NCOA7: variants seen among roughly 807,000 people sequenced by gnomAD.
NCOA7 encodes nuclear receptor coactivator 7.
A neutral mutation model predicts 104.3 loss-of-function variants in NCOA7; 45 were observed. The ratio of observed to expected loss-of-function variants is 0.43; its 90% CI spans 0.34 to 0.55. NCOA7 has a LOEUF of 0.55. Ranked by LOEUF, NCOA7 falls within the 20% of genes least tolerant of loss-of-function variation. The pLI is 0.02. For missense variants in NCOA7, 1,041 were observed against 1,119.7 expected (o/e 0.93, Z 1.00); for synonymous variants, 398 against 402.3 (o/e 0.99, Z 0.13).
upstream of NCOA7, among the ~76,000 whole-genome samples, chr6:125,788,554 T>C (rs954465451): frequency 6.6e-6 from 1 of 151,660 alleles, no homozygotes; most frequent in Non-Finnish European, 1.5e-5. Context: ...TTTTTTTTTT[T>C]GAGATGGAGT....
intron 3 of NCOA7, among the ~76,000 whole-genome samples, chr6:125,858,700 G>T (rs796521302): frequency 3.9e-5 from 6 of 152,116 alleles, no homozygotes; most frequent in African/African-American, 1.4e-4. Context: ...CAACCGGTTT[G>T]GAGGTTTGAG....
chr6:125,907,775 T>C (rs1188000202), intron 10 of NCOA7, among the ~76,000 whole-genome samples: 2 of 152,140 alleles, frequency 1.3e-5, no homozygotes, highest in African/African-American at 4.8e-5. Context: ...AACTTTAAAT[T>C]TGGCACAGTA....
At chr6:125,911,145 T>C (rs928200785) in intron 10 of NCOA7, among the ~76,000 whole-genome samples, 4 of 152,198 alleles carry the variant, frequency 2.6e-5, no homozygotes, top group African/African-American at 7.2e-5. Flanking sequence ...GTGGTGAGAA[T>C]GTGGAGGTCA....
rs967258800 is a variant in NCOA7, at chr6:125,848,769, G to A, written c.51-6251G>A. ...CTTATGTAACAAACCTGCATGTTGT[G>A]CACAAGTACCCTAGGACTTAAAGTA... On this transcript the variant is annotated intron_variant, in intron 2 of 15. Coordinates refer to ENST00000392477, the MANE Select transcript of NCOA7 (RefSeq NM_181782.5). 2.6e-5 allele frequency among the ~76,000 whole-genome samples: 4 copies of A among 152,212 alleles called. No individual in the cohort carries two copies. The South Asian group carries it at 8.3e-4, about 32-fold the overall frequency.
intron 1 of NCOA7, among the ~76,000 whole-genome samples, chr6:125,804,144 C>T (rs1776187616): frequency 6.6e-6 from 1 of 152,144 alleles, no homozygotes; most frequent in Non-Finnish European, 1.5e-5. Context: ...AGCTTATTTT[C>T]TTTGGACCGG....
intron 2 of NCOA7, among the ~76,000 whole-genome samples, chr6:125,830,747 G>A (rs1562854810): frequency 6.7e-6 from 1 of 148,410 alleles, no homozygotes; most frequent in South Asian, 2.1e-4. Flanking sequence ...ATGTGTGTGT[G>A]TGTGTGTGTG....
At position 125,928,065 on chromosome 6, in the gene NCOA7, C is replaced by T; in HGVS notation, c.2620-109C>T. 6.7e-6 allele frequency: 7 copies of T among 1,041,358 alleles called. No homozygotes were observed. The South Asian group carries it at 9.6e-5, about 14-fold the overall frequency. 64.5% of individuals were successfully genotyped at this position (1,041,358 alleles called of 1,614,324 possible). A position where few individuals can be genotyped will look rare whatever the true frequency, so the allele number is the denominator to read the frequency against. On this transcript the variant is annotated intron_variant, in intron 14 of 15. Transcript: ENST00000392477. ...TCTGGCAGTCAGGAACTTCCTCCGT[C>T]AATGGGGTGAGGTGGTTCCCTTTTA...
intron 1 of NCOA7, among the ~76,000 whole-genome samples, chr6:125,784,455 G>A (rs1210638065): frequency 6.6e-6 from 1 of 152,196 alleles, no homozygotes; most frequent in Admixed American, 6.5e-5. Context: ...AAATGGTATA[G>A]CCACTCTAGA....
Position 125,882,427 on chromosome 6 carries a change from A to T in NCOA7, c.575A>T (p.Asp192Val). ...TTTGAAATTTTTTGCTTTCACAAGG[A>T]TGCTGACTTAGCACGAAAGGCCTTG... Reference protein sequence around the residue: ...SSDAEYDKLPDADLARKALKP... With the variant: ...SSDAEYDKLPVADLARKALKP... The change falls in exon 7 of 16, where the codon GAT (aspartate) becomes GTT (valine). Residue 192 changes from aspartate (D) to valine (V), a missense_variant and splice_region_variant. Asp to Val is a radical substitution (Grantham distance 152). Around this residue, in one of 2 missense-constraint regions of NCOA7, gnomAD observed 914 missense variants for 942.7 expected, o/e 0.97. Transcript: ENST00000392477. The T allele has an allele frequency of 1.2e-6, 2 of 1,612,258 alleles. No homozygotes were observed. Among genetic ancestry groups the T allele is most frequent in the African/African-American group, 1.3e-5 (1 of 74,942 alleles).
At chr6:125,863,550 C>T (rs1257828019) in intron 3 of NCOA7, among the ~76,000 whole-genome samples, 1 of 138,080 alleles carries the variant, frequency 7.2e-6, no homozygotes, top group African/African-American at 3.0e-5. Context: ...AAACTAAGTA[C>T]AGTCAGGGGT....
At chr6:125,920,847 CT>C in intron 11 of NCOA7, 95 bp from the exon 12 acceptor site, 3 of 1,481,608 alleles carry the variant, frequency 2.0e-6, no homozygotes, top group Non-Finnish European at 1.8e-6. Flanking sequence ...GAAGCGTCAC[CT>C]TTTCAAGCAC....
chr6:125,788,549 T>G (rs1403137976), upstream of NCOA7, among the ~76,000 whole-genome samples: 2 of 151,828 alleles, frequency 1.3e-5, no homozygotes, highest in Non-Finnish European at 2.9e-5. Context: ...CCTTTTTTTT[T>G]TTTTTGAGAT....
chr6:125,834,548 CACAG>C (rs1779455205), intron 2 of NCOA7, among the ~76,000 whole-genome samples: 1 of 152,178 alleles, frequency 6.6e-6, no homozygotes, highest in Non-Finnish European at 1.5e-5. Flanking sequence ...TGCTGCAAGC[CACAG>C]ACAGAGGTTT....
intron 1 of NCOA7, among the ~76,000 whole-genome samples, chr6:125,783,746 T>A (rs1774337034): frequency 1.3e-5 from 2 of 152,228 alleles, no homozygotes; most frequent in African/African-American, 2.4e-5. Flanking sequence ...CAGGAAGAAT[T>A]AACATCTTCA....
rs1042197034 is a variant in NCOA7 at position 125,916,207 on chromosome 6, C to T, written c.2244+727C>T. ...AGTGGCAGTTTCCGCTACGCTCGCTCGCTCTCCTGCCGCCTTGTGAAGAAG... is the reference window on the plus strand; with the variant it reads ...AGTGGCAGTTTCCGCTACGCTCGCTTGCTCTCCTGCCGCCTTGTGAAGAAG... On this transcript the variant is annotated intron_variant, in intron 11 of 15. Transcript: ENST00000392477. Among the ~76,000 whole-genome samples, 7 of 152,188 alleles carry T rather than the reference C, an allele frequency of 4.6e-5. 1 individual carries two copies. The highest frequency in any genetic ancestry group is 3.9e-4 in the Admixed American group (6 of 15,284).
At chr6:125,883,150 G>GT (rs1178614345) in intron 7 of NCOA7, among the ~76,000 whole-genome samples, 2 of 151,936 alleles carry the variant, frequency 1.3e-5, no homozygotes, top group East Asian at 1.9e-4. Flanking sequence ...GTGTGTTTTT[G>GT]TTTTTTTGTT....
chr6:125,890,542 T>G (rs1784551411), intron 9 of NCOA7, 100 bp from the exon 10 acceptor site: 1 of 1,178,422 alleles, frequency 8.5e-7, no homozygotes, highest in African/African-American at 1.6e-5. Context: ...TGCAATGTTT[T>G]GACTAAGAGA....
At chr6:125,788,831 T>C (rs6921070), upstream of NCOA7, among the ~76,000 whole-genome samples, 18,208 of 151,760 alleles carry the variant, frequency 0.12, 1,461 homozygotes, top group African/African-American at 0.23. Context: ...CGTGAGCCAC[T>C]GCGCCTGGCC....
rs1192787499 is a variant in NCOA7 at position 125,930,697 on chromosome 6, G to T, written c.*1926G>T. On this transcript the variant is annotated 3_prime_UTR_variant, in exon 16 of 16. Coordinates refer to ENST00000392477, the MANE Select transcript of NCOA7 (RefSeq NM_181782.5). ...TCCTTAATTCCATGCAAATTTAAATGAATGCTATAAAATTTTAAATCTGTA... is the reference window on the plus strand; with the variant it reads ...TCCTTAATTCCATGCAAATTTAAATTAATGCTATAAAATTTTAAATCTGTA... 1 of 152,192 alleles carries T rather than the reference G, an allele frequency of 6.6e-6. No homozygotes were observed. 9.4% of individuals were successfully genotyped at this position (152,192 alleles called of 1,614,324 possible). A position where few individuals can be genotyped will look rare whatever the true frequency, so the allele number is the denominator to read the frequency against.
Sources: allele counts gnomAD v4.1 joint callset (sites outside exome capture counted in the v4.1 genomes callset), GRCh38; gene constraint gnomAD v4.1.1; regional missense constraint gnomAD v4.1.1; transcripts MANE v1.5; gene names NCBI Gene and HGNC (gene_info 2026-07-23, HGNC 2026-07-21).